The following HIP1 variants were observed in gnomAD, a reference collection of about 807,000 sequenced individuals.
The protein encoded by HIP1 is huntingtin interacting protein 1.
A neutral mutation model predicts 147.6 loss-of-function variants in HIP1; 65 were observed. The observed-to-expected ratio is 0.44, with a 90% CI of 0.36 to 0.54. The LOEUF (loss-of-function observed/expected upper bound fraction) is 0.54. Ranked by LOEUF, HIP1 falls within the 20% of genes least tolerant of loss-of-function variation. The pLI, the probability that HIP1 is intolerant of heterozygous loss-of-function variation, is 0.00. For synonymous variants in HIP1, 479 were observed against 504.0 expected (o/e 0.95, Z 0.67); for missense variants, 1,061 against 1,299.6 (o/e 0.82, Z 2.82).
intron 1 of HIP1, among the ~76,000 whole-genome samples, chr7:75,690,817 G>A (rs189965420): frequency 1.3e-5 from 2 of 151,834 alleles, no homozygotes; most frequent in African/African-American, 4.8e-5. Flanking sequence ...AGCCGAGATC[G>A]CGCCATTTGC....
chr7:75,601,194 A>G (rs1181343368), intron 1 of HIP1, among the ~76,000 whole-genome samples: 2 of 152,174 alleles, frequency 1.3e-5, no homozygotes, highest in African/African-American at 4.8e-5. Flanking sequence ...ACTTCAAATA[A>G]TCTGGAGAAT....
At chr7:75,638,749 TC>T (rs200518301) in intron 1 of HIP1, among the ~76,000 whole-genome samples, 2,443 of 152,110 alleles carry the variant, frequency 0.016, 30 homozygotes, top group Non-Finnish European at 0.026. Flanking sequence ...CTCCCTCCCG[TC>T]CGGCAGGTCT....
At chr7:75,590,486 G>T (rs1319159298) in intron 4 of HIP1, among the ~76,000 whole-genome samples, 3 of 152,062 alleles carry the variant, frequency 2.0e-5, no homozygotes, top group African/African-American at 7.2e-5. Context: ...AGAAATAGAA[G>T]TAGAACAGAT....
At chr7:75,705,101 C>T (rs1260547658) in intron 1 of HIP1, among the ~76,000 whole-genome samples, 1 of 152,130 alleles carries the variant, frequency 6.6e-6, no homozygotes, top group Non-Finnish European at 1.5e-5. Context: ...TATTGTACAA[C>T]CATCACCGCT....
chr7:75,615,543 C>A (rs587612996), intron 1 of HIP1, among the ~76,000 whole-genome samples: 12 of 151,726 alleles, frequency 7.9e-5, no homozygotes, highest in African/African-American at 2.9e-4. Context: ...CAGATGGAGA[C>A]CCTGACTCCC....
rs782784117 is a variant in HIP1 at position 75,553,534 on chromosome 7, G to A, written c.2214C>T (p.Ser738=). Residue 738 remains serine, a synonymous_variant, in exon 22 of 31, where the codon TCC becomes TCT. Transcript: ENST00000336926. ...YGRETLAYLA[S]LEEEGSLENA... ...TCTCAAGGCTTCCCTCTTCCTCCAG[G>A]GAGGCCAGGTAGGCGAGGGTTTCCC... 40 of 1,614,014 alleles carry A rather than the reference G, an allele frequency of 2.5e-5. No individual in the cohort carries two copies. Among genetic ancestry groups the A allele is most frequent in the Admixed American group, 6.7e-5 (4 of 59,992 alleles).
Position 75,539,362 on chromosome 7 carries a change from G to A in HIP1, c.3022C>T (p.His1008Tyr), listed in dbSNP as rs1554489420. The A allele has an allele frequency of 6.2e-7, 1 of 1,614,124 alleles. No individual in the cohort carries two copies. Among genetic ancestry groups the A allele is most frequent in the Non-Finnish European group, 8.5e-7 (1 of 1,179,996 alleles). Residue 1008 changes from histidine to tyrosine, a missense_variant, in exon 30 of 31, where the codon CAC becomes TAC. By Grantham distance (83) the His-to-Tyr change is moderately conservative. Transcript: ENST00000336926. Reference protein sequence around the residue: ...RQKLGELRKKHYELAGVAEGW... With the variant: ...RQKLGELRKKYYELAGVAEGW... ...TCAGCAACACCAGCAAGCTCGTAGT[G>A]CTTTTTCCGAAGCTCTCCCAGTTTT...
At chr7:75,715,598 C>T (rs531050406) in intron 1 of HIP1, among the ~76,000 whole-genome samples, 1 of 150,932 alleles carries the variant, frequency 6.6e-6, no homozygotes, top group South Asian at 2.1e-4. Context: ...ATGGTGAAAC[C>T]TCATCTCTAC....
At chr7:75,561,057 A>G (rs1439398306) in intron 13 of HIP1, among the ~76,000 whole-genome samples, 1 of 151,794 alleles carries the variant, frequency 6.6e-6, no homozygotes, top group Admixed American at 6.6e-5. Flanking sequence ...AGTTCAAGCA[A>G]TTCTCATGCC....
chr7:75,625,567 G>C (rs1460713930), intron 1 of HIP1: 1 of 152,228 alleles, frequency 6.6e-6, no homozygotes, highest in Non-Finnish European at 1.5e-5. Context: ...GCATGACTGA[G>C]CCACAGAAGT....
intron 2 of HIP1, among the ~76,000 whole-genome samples, chr7:75,594,775 A>G (rs1233354941): frequency 6.6e-6 from 1 of 152,242 alleles, no homozygotes; most frequent in African/African-American, 2.4e-5. Flanking sequence ...CTCCATCTCA[A>G]AAATAAACAA....
intron 1 of HIP1, among the ~76,000 whole-genome samples, chr7:75,639,440 C>G (rs1554510138): frequency 1.3e-5 from 2 of 151,594 alleles, no homozygotes; most frequent in Non-Finnish European, 3.0e-5. Flanking sequence ...GGCCAGATCC[C>G]GCGGCCCCCG....
intron 2 of HIP1, 37 bp from the exon 3 acceptor site, chr7:75,592,551 G>GCCAGTCACTGCAGGGGACTGAGCCTGCAC (rs1796534673): frequency 1.9e-6 from 3 of 1,599,984 alleles, no homozygotes; most frequent in African/African-American, 2.7e-5. Context: ...GATGGGCTCT[G>GCCAGTCACTGCAGGGGACTGAGCCTGCAC]CCAGTCACTG....
At chr7:75,661,767 A>G (rs1799325656) in intron 1 of HIP1, among the ~76,000 whole-genome samples, 1 of 151,850 alleles carries the variant, frequency 6.6e-6, no homozygotes, top group South Asian at 2.1e-4. Context: ...AGAGTAACGC[A>G]GGCCTAAGTC....
intron 1 of HIP1, among the ~76,000 whole-genome samples, chr7:75,608,505 G>A (rs994666650): frequency 2.6e-5 from 4 of 152,038 alleles, no homozygotes; most frequent in Admixed American, 6.6e-5. Context: ...ACATTATGAA[G>A]GAAACTAACA....
chr7:75,619,507 C>A (rs1178735933), intron 1 of HIP1, among the ~76,000 whole-genome samples: 2 of 114,498 alleles, frequency 1.7e-5, no homozygotes, highest in Non-Finnish European at 3.4e-5. Context: ...CAGAGCAAGA[C>A]TTTGTCTCAA....
At chr7:75,554,613 A>G in intron 19 of HIP1, 87 bp from the exon 20 acceptor site, 1 of 924,182 alleles carries the variant, frequency 1.1e-6, no homozygotes, top group Non-Finnish European at 1.8e-6. Context: ...GGAGGAGCTT[A>G]CCTAGTGGGT....
At chr7:75,616,085 CA>C (rs71098042) in intron 1 of HIP1, among the ~76,000 whole-genome samples, 427 of 35,292 alleles carry the variant, frequency 0.012, 6 homozygotes, top group South Asian at 0.021. Context: ...GACTCTGTCT[CA>C]AAAAAAAAAA....
In HIP1 at chr7:75,574,931, G is replaced by A. The variant is rs587680511; in HGVS notation, c.605-1030C>T. 2.0e-5 allele frequency among the ~76,000 whole-genome samples: 3 copies of A among 151,980 alleles called. No individual in the cohort carries two copies. The South Asian group carries it at 6.2e-4, about 32-fold the overall frequency. On this transcript the variant is annotated intron_variant, in intron 7 of 30. Coordinates refer to ENST00000336926, the MANE Select transcript of HIP1 (RefSeq NM_005338.7). ...TCCCAGCACTTTGTGAGGCCGAGGT[G>A]GGGGGACTGCCTGAGCCTGAGTTTG...
Sources: gnomAD v4.1 joint callset for allele counts (sites outside exome capture counted in the v4.1 genomes callset) on GRCh38, gnomAD v4.1.1 for gene constraint, MANE v1.5 for transcripts, NCBI Gene and HGNC (gene_info 2026-07-23, HGNC 2026-07-21) for gene names.